Variants in PARP8 observed in about 807,000 individuals in gnomAD.
PARP8 encodes the protein poly(ADP-ribose) polymerase family member 8.
In PARP8, 51 loss-of-function variants were observed where a neutral mutation model predicts 124.1. The ratio of observed to expected loss-of-function variants is 0.41; its 90% CI spans 0.33 to 0.52. The LOEUF (loss-of-function observed/expected upper bound fraction) is 0.52. Among genes scored for constraint, PARP8 ranks in the 20% least tolerant of loss-of-function variants. The probability of loss-of-function intolerance (pLI) is 0.21; values close to 1 mark genes in which losing one functional copy is unlikely to be tolerated. For synonymous variants in PARP8, 391 were observed against 361.5 expected, an observed-to-expected ratio of 1.08 and a Z score of -0.93; for missense variants, 860 against 1,018.9, an observed-to-expected ratio of 0.84 and a Z score of 2.12.
intron 21 of PARP8, 117 bp downstream of exon 21, chr5:50,828,501 A>G: frequency 1.1e-6 from 1 of 880,584 alleles, no homozygotes; most frequent in Non-Finnish European, 1.8e-6. Context: ...AAGACATTAT[A>G]TGGAATTTCT....
chr5:50,778,066 C>A lies in PARP8; in HGVS notation c.519-3C>A. ...AAAAAACAGTGTTAATTTTTGCTTT[C>A]AGGGAATATGGAGCCATTGATGATG... On this transcript the variant is annotated splice_region_variant and splice_polypyrimidine_tract_variant and intron_variant, in intron 7 of 25. Coordinates refer to ENST00000281631, the MANE Select transcript of PARP8 (RefSeq NM_024615.4). 1 of 1,600,288 alleles carries A rather than the reference C, an allele frequency of 6.2e-7. No individual in the cohort carries two copies. The highest frequency in any genetic ancestry group is 8.5e-7 in the Non-Finnish European group (1 of 1,174,954).
chr5:50,747,154 G>GTTTTTTTTTTTTTTTTTTT (rs370243477), intron 2 of PARP8, among the ~76,000 whole-genome samples: 2 of 121,910 alleles, frequency 1.6e-5, no homozygotes, highest in African/African-American at 6.5e-5. Context: ...TTTTTTGTTT[G>GTTTTTTTTTTTTTTTTTTT]TTTGTTTTGT....
intron 25 of PARP8, among the ~76,000 whole-genome samples, chr5:50,839,666 T>TTCTCTC (rs34544570): frequency 0.14 from 20,124 of 147,330 alleles, 1,367 homozygotes; most frequent in East Asian, 0.18. Context: ...CTCTCTTTCT[T>TTCTCTC]TCTCTCTCTC....
At chr5:50,689,728 G>T (rs190072050) in intron 2 of PARP8, among the ~76,000 whole-genome samples, 65 of 152,306 alleles carry the variant, frequency 4.3e-4, no homozygotes, top group Non-Finnish European at 6.0e-4. Flanking sequence ...TCGTGAGGTT[G>T]ATGGGATCTA....
chr5:50,784,000 T>C (rs1298521012), intron 9 of PARP8, among the ~76,000 whole-genome samples: 2 of 152,028 alleles, frequency 1.3e-5, no homozygotes, highest in Non-Finnish European at 2.9e-5. Context: ...ATATTTTATG[T>C]TTTTTATGAA....
chr5:50,765,747 T>C (rs1375920798), intron 7 of PARP8, among the ~76,000 whole-genome samples: 1 of 152,202 alleles, frequency 6.6e-6, no homozygotes, highest in African/African-American at 2.4e-5. Context: ...TAGTTTGATT[T>C]ACTTAAATGG....
chr5:50,831,166 A>G (rs1436889016), intron 22 of PARP8, among the ~76,000 whole-genome samples: 2 of 152,180 alleles, frequency 1.3e-5, no homozygotes, highest in Admixed American at 1.3e-4. Context: ...GCATGTTAAC[A>G]AAAAAAGAAA....
chr5:50,813,722 G>T (rs1190702351), intron 14 of PARP8, among the ~76,000 whole-genome samples: 1 of 152,124 alleles, frequency 6.6e-6, no homozygotes, highest in Non-Finnish European at 1.5e-5. Flanking sequence ...GATACTTGCT[G>T]TGGGTTTGTC....
rs1748437919 is a variant in PARP8 at position 50,844,157 on chromosome 5, A to ATTCT, written c.*2089_*2090insTTCT. On this transcript the variant is annotated 3_prime_UTR_variant, in exon 26 of 26. Coordinates refer to ENST00000281631, the MANE Select transcript of PARP8 (RefSeq NM_024615.4). Reference sequence around the variant, plus strand: ...TACAAACTGTTCCTGTTGACTTAAGAATAACAGTAGGTTCACCTATCTGAG... The same window carrying ATTCT: ...TACAAACTGTTCCTGTTGACTTAAGATTCTATAACAGTAGGTTCACCTATCTGAG... 5 of 151,830 alleles carry ATTCT rather than the reference A, an allele frequency of 3.3e-5. No individual in the cohort carries two copies. Among genetic ancestry groups the ATTCT allele is most frequent in the Admixed American group, 6.6e-5 (1 of 15,190 alleles). The allele number at this position is 151,830 out of a possible 1,614,324, so 9.4% of individuals were successfully genotyped here. A position where few individuals can be genotyped will look rare whatever the true frequency, so the allele number is the denominator to read the frequency against.
At chr5:50,710,844 C>A (rs946269304) in intron 2 of PARP8, among the ~76,000 whole-genome samples, 11 of 152,112 alleles carry the variant, frequency 7.2e-5, no homozygotes, top group Admixed American at 2.0e-4. Flanking sequence ...ATTTTTATAT[C>A]TAACAGGTTC....
intron 7 of PARP8, among the ~76,000 whole-genome samples, chr5:50,771,395 G>A (rs1169895873): frequency 6.6e-6 from 1 of 152,140 alleles, no homozygotes; most frequent in Non-Finnish European, 1.5e-5. Flanking sequence ...CTGACCTCAA[G>A]TGATCCACCC....
At chr5:50,782,577 A>G (rs541500049) in intron 9 of PARP8, among the ~76,000 whole-genome samples, 113 of 152,318 alleles carry the variant, frequency 7.4e-4, no homozygotes, top group Admixed American at 2.0e-3. Context: ...AAAAAAGAAA[A>G]TATTTATGAA....
intron 9 of PARP8, among the ~76,000 whole-genome samples, chr5:50,785,961 C>T (rs1053260856): frequency 3.3e-5 from 5 of 152,124 alleles, no homozygotes; most frequent in Non-Finnish European, 7.3e-5. Flanking sequence ...AGGACACCAT[C>T]CCAGCAATTC....
intron 14 of PARP8, among the ~76,000 whole-genome samples, chr5:50,803,938 A>G (rs549203909): frequency 6.6e-6 from 1 of 152,214 alleles, no homozygotes; most frequent in South Asian, 2.1e-4. Context: ...AGATCTCGCC[A>G]AACTGTTTTG....
intron 2 of PARP8, among the ~76,000 whole-genome samples, chr5:50,694,917 T>A (rs1752863639): frequency 6.6e-6 from 1 of 152,170 alleles, no homozygotes; most frequent in South Asian, 2.1e-4. Context: ...CGGAGTGTAA[T>A]GTTCTAGTCT....
intron 2 of PARP8, among the ~76,000 whole-genome samples, chr5:50,738,685 A>G (rs1307022888): frequency 6.6e-6 from 1 of 151,544 alleles, no homozygotes; most frequent in Non-Finnish European, 1.5e-5. Context: ...CACATATAAA[A>G]TACACTAATG....
At chr5:50,745,646 G>A (rs1758464933) in intron 2 of PARP8, among the ~76,000 whole-genome samples, 1 of 152,138 alleles carries the variant, frequency 6.6e-6, no homozygotes, top group South Asian at 2.1e-4. Context: ...CCTCATTTTG[G>A]ATTCAGACAT....
chr5:50,718,056 G>A (rs1755501565), intron 2 of PARP8, among the ~76,000 whole-genome samples: 1 of 151,936 alleles, frequency 6.6e-6, no homozygotes, highest in Non-Finnish European at 1.5e-5. Context: ...ATTATACTAG[G>A]TTATATCAGA....
At chr5:50,735,684 C>T (rs1287783872) in intron 2 of PARP8, among the ~76,000 whole-genome samples, 1 of 152,112 alleles carries the variant, frequency 6.6e-6, no homozygotes, top group African/African-American at 2.4e-5. Context: ...ATGCAACCTG[C>T]ACATATATTG....
Sources: allele counts gnomAD v4.1 joint callset (sites outside exome capture counted in the v4.1 genomes callset), GRCh38; gene constraint gnomAD v4.1.1; transcripts MANE v1.5; gene names NCBI Gene and HGNC (gene_info 2026-07-23, HGNC 2026-07-21).